Variants in MYT1L observed in about 807,000 individuals in gnomAD.
MYT1L encodes the protein myelin transcription factor 1 like.
MYT1L carries 12 observed loss-of-function variants against 126.7 expected under a neutral mutation model. The ratio of observed to expected loss-of-function variants is 0.09; its 90% CI spans 0.06 to 0.15. The LOEUF is 0.15. Among genes scored for constraint, MYT1L ranks in the 10% least tolerant of loss-of-function variants. The pLI is 1.00. For missense variants in MYT1L, 979 were observed against 1,585.2 expected, an observed-to-expected ratio of 0.62 and a Z score of 6.49; for synonymous variants, 541 against 604.2, an observed-to-expected ratio of 0.90 and a Z score of 1.53.
chr2:1,791,820 C>A lies in MYT1L; in HGVS notation c.*47G>T. Reference sequence around the variant, plus strand: ...TCTGGTAAGTTACAGCAGCAAAAAACAAGAGGCATCCTTTTTAAGCAAGAG... The same window carrying A: ...TCTGGTAAGTTACAGCAGCAAAAAAAAAGAGGCATCCTTTTTAAGCAAGAG... On this transcript the variant is annotated 3_prime_UTR_variant, in exon 25 of 25. Transcript: ENST00000647738. The surrounding 1 kb of genome is among the most constrained non-coding windows in gnomAD (Gnocchi z 6.0). 1 of 1,502,322 alleles carries A rather than the reference C, an allele frequency of 6.7e-7. No homozygotes were observed. The highest frequency in any genetic ancestry group is 1.4e-5 in the African/African-American group (1 of 70,444). 93.1% of individuals were successfully genotyped at this position (1,502,322 alleles called of 1,614,324 possible).
At chr2:2,159,652 C>G (rs1384927021) in intron 3 of MYT1L, among the ~76,000 whole-genome samples, 1 of 152,026 alleles carries the variant, frequency 6.6e-6, no homozygotes, top group African/African-American at 2.4e-5. Context: ...GTGGATCCCC[C>G]TGGATGCCCC....
intron 2 of MYT1L, among the ~76,000 whole-genome samples, chr2:2,210,510 C>T (rs1206311729): frequency 2.6e-5 from 4 of 152,122 alleles, no homozygotes; most frequent in Non-Finnish European, 5.9e-5. Context: ...CTATCCTTGG[C>T]TCCTTTGTCA....
At chr2:1,868,773 C>G (rs771110981) in intron 18 of MYT1L, among the ~76,000 whole-genome samples, 4 of 152,336 alleles carry the variant, frequency 2.6e-5, no homozygotes, top group East Asian at 3.9e-4. Flanking sequence ...CCTCCTCCCC[C>G]CTCCTCCCTG....
intron 1 of MYT1L, among the ~76,000 whole-genome samples, chr2:2,287,439 C>T (rs944033835): frequency 5.3e-5 from 8 of 152,216 alleles, no homozygotes; most frequent in East Asian, 1.9e-4. Flanking sequence ...AAATTCTGGA[C>T]GTAAGACCTG....
chr2:2,304,208 A>G (rs2095827898), intron 1 of MYT1L, among the ~76,000 whole-genome samples: 1 of 152,262 alleles, frequency 6.6e-6, no homozygotes, highest in Non-Finnish European at 1.5e-5. Flanking sequence ...CATATGGTGG[A>G]ACGTAACACA....
chr2:2,190,226 GC>G (rs2092503513), intron 2 of MYT1L, among the ~76,000 whole-genome samples: 1 of 152,194 alleles, frequency 6.6e-6, no homozygotes. Flanking sequence ...GGAGGATGAG[GC>G]AGGCAGATCA....
At chr2:2,323,089 A>G (rs558043419) in intron 1 of MYT1L, among the ~76,000 whole-genome samples, 2 of 152,350 alleles carry the variant, frequency 1.3e-5, no homozygotes, top group East Asian at 3.9e-4. Flanking sequence ...AAACTTGCAG[A>G]ATGAGAGGGA....
chr2:1,956,266 ATCTG>A lies in MYT1L; in HGVS notation c.153-12936_153-12933del, dbSNP rs200307288. On this transcript the variant is annotated intron_variant, in intron 8 of 24. Transcript: ENST00000647738. ...TATCCTATTCTATATTTCCTATTCT[ATCTG>A]TCTATCTACCTATCTATCATCTATC... 9.0e-3 allele frequency among the ~76,000 whole-genome samples: 1,270 copies of A among 141,678 alleles called. 56 individuals carry two copies. Among genetic ancestry groups the A allele is most frequent in the Middle Eastern group, 0.017 (4 of 242 alleles). The allele number at this position is 141,678 out of a possible 152,430, so 92.9% of individuals were successfully genotyped here. A position where few individuals can be genotyped will look rare whatever the true frequency, so the allele number is the denominator to read the frequency against.
intron 8 of MYT1L, among the ~76,000 whole-genome samples, chr2:1,954,502 G>GTCA (rs1182483801): frequency 6.6e-6 from 1 of 152,146 alleles, no homozygotes. Context: ...CACACTGAAC[G>GTCA]TCAGCACAGC....
chr2:2,132,199 G>A lies in MYT1L; in HGVS notation c.-304+40673C>T, dbSNP rs148918154. On this transcript the variant is annotated intron_variant, in intron 3 of 24. Transcript: ENST00000647738. The stretch of plus-strand genomic sequence containing the variant: ...TGGGATTACAGGCATGAGCCACTGC[G>A]CCCAGCCGAGAGTTCATCATTTTGG... Among the ~76,000 whole-genome samples the A allele has an allele frequency of 7.7e-4, 117 of 151,738 alleles. 3 individuals are homozygous for A. The East Asian group carries it at 0.022, about 29-fold the overall frequency.
Position 2,106,097 on chromosome 2 carries a change from C to T in MYT1L, c.-303-51974G>A, listed in dbSNP as rs57119317. Among the ~76,000 whole-genome samples the T allele has an allele frequency of 8.5e-3, 1,287 of 152,264 alleles. 17 individuals carry two copies. Among genetic ancestry groups the T allele is most frequent in the African/African-American group, 0.026 (1,074 of 41,532 alleles). ...TGCACCACTGCAGTGTGGAGCACCA[C>T]GCAGCCAGCTCATGGAGGGAATGTG... On this transcript the variant is annotated intron_variant, in intron 3 of 24. Transcript: ENST00000647738.
intron 4 of MYT1L, among the ~76,000 whole-genome samples, chr2:2,005,812 C>T (rs1395881740): frequency 6.7e-6 from 1 of 149,762 alleles, no homozygotes; most frequent in Non-Finnish European, 1.5e-5. Flanking sequence ...GCCTTTCCTG[C>T]ATGCGTTCTT....
intron 21 of MYT1L, among the ~76,000 whole-genome samples, chr2:1,820,038 G>A (rs1017664824): frequency 2.0e-4 from 31 of 152,022 alleles, no homozygotes; most frequent in Non-Finnish European, 4.0e-4. Flanking sequence ...CAGTGGGGGG[G>A]GGCCAGCGAG....
intron 4 of MYT1L, among the ~76,000 whole-genome samples, chr2:2,008,168 T>G (rs2063504019): frequency 6.6e-6 from 1 of 152,238 alleles, no homozygotes; most frequent in South Asian, 2.1e-4. Flanking sequence ...TCCCACACCC[T>G]GTGATTGTAT....
intron 3 of MYT1L, among the ~76,000 whole-genome samples, chr2:2,137,771 T>C (rs2083280390): frequency 6.6e-6 from 1 of 151,844 alleles, no homozygotes; most frequent in South Asian, 2.1e-4. Context: ...ATTCAGAACA[T>C]AGGCACCGCA....
rs1476958477 is a variant in MYT1L at position 1,852,320 on chromosome 2, C to G, written c.2712-617G>C. On this transcript the variant is annotated intron_variant, in intron 18 of 24. Coordinates refer to ENST00000647738, the MANE Select transcript of MYT1L (RefSeq NM_001303052.2). This position sits in a 1 kb window ranked among gnomAD's most constrained non-coding sequence, Gnocchi z 4.0. The stretch of plus-strand genomic sequence containing the variant: ...TTGATAGACCTTAAAATAGTTGTTA[C>G]TCTTGAGCGACATGAAGAACATAAA... 6.6e-6 allele frequency among the ~76,000 whole-genome samples: 1 copy of G among 152,142 alleles called. No homozygotes were observed. Among genetic ancestry groups the G allele is most frequent in the African/African-American group, 2.4e-5 (1 of 41,418 alleles).
chr2:1,889,933 TAA>T lies in MYT1L; in HGVS notation c.2284-458_2284-457del, dbSNP rs1277143885. ...ATGTATGTGCATGTGTGTGTGTGTA[TAA>T]ACACACATATATCAGCTTAAAAATT... On this transcript the variant is annotated intron_variant, in intron 15 of 24. Transcript: ENST00000647738. The surrounding 1 kb of genome is among the most constrained non-coding windows in gnomAD (Gnocchi z 4.1). Among the ~76,000 whole-genome samples the T allele has an allele frequency of 6.6e-6, 1 of 152,188 alleles. No individual in the cohort carries two copies. The highest frequency in any genetic ancestry group is 1.5e-5 in the Non-Finnish European group (1 of 68,036).
At chr2:1,867,245 T>C (rs977339462) in intron 18 of MYT1L, among the ~76,000 whole-genome samples, 27 of 151,576 alleles carry the variant, frequency 1.8e-4, no homozygotes, top group African/African-American at 6.3e-4. Context: ...GGCGAAGGTG[T>C]GGATGAAGGG....
chr2:2,092,253 C>T (rs752620729), intron 3 of MYT1L, among the ~76,000 whole-genome samples: 16 of 151,828 alleles, frequency 1.1e-4, no homozygotes, highest in Non-Finnish European at 8.8e-5. Flanking sequence ...CAGGGTTGTT[C>T]GTTGGCCTAA....
Sources: gnomAD v4.1 joint callset for allele counts (sites outside exome capture counted in the v4.1 genomes callset) on GRCh38, gnomAD v4.1.1 for gene constraint, Gnocchi (gnomAD v3.1) non-coding constraint, MANE v1.5 for transcripts, NCBI Gene and HGNC (gene_info 2026-07-23, HGNC 2026-07-21) for gene names.